The following NPY2R variants were observed in gnomAD, a reference collection of about 807,000 sequenced individuals.
NPY2R encodes neuropeptide Y receptor type 2.
In NPY2R, 17 loss-of-function variants were observed where a neutral mutation model predicts 22.3. The observed-to-expected ratio is 0.76, with a 90% confidence interval of 0.52 to 1.14. The LOEUF (loss-of-function observed/expected upper bound fraction) is 1.14, where lower values mean the gene tolerates loss of function less well. Among genes scored for constraint, NPY2R ranks in the 50% most tolerant of loss-of-function variants. The pLI is 0.00. For synonymous variants in NPY2R, 209 were observed against 183.4 expected, an observed-to-expected ratio of 1.14 and a Z score of -1.13; for missense variants, 424 against 467.9, an observed-to-expected ratio of 0.91 and a Z score of 0.87.
At chr4:155,174,484 A>ATATATATATT in the NPY2R span, among the ~76,000 whole-genome samples, 12 of 106,122 alleles carry the variant, frequency 1.1e-4, no homozygotes, top group African/African-American at 1.4e-4. Context: ...ATATATATAT[A>ATATATATATT]TTTTTTTTTT....
At chr4:155,174,645 C>T in the NPY2R span, among the ~76,000 whole-genome samples, 9 of 151,412 alleles carry the variant, frequency 5.9e-5, no homozygotes, top group African/African-American at 1.9e-4. Flanking sequence ...TTATACATCC[C>T]CATTCTGGGA....
chr4:155,206,448 CAA>C (rs1419195817), upstream of NPY2R: 5 of 152,190 alleles, frequency 3.3e-5, no homozygotes, highest in African/African-American at 1.2e-4. Flanking sequence ...CTGTGATGCA[CAA>C]AAGTGTCATA....
At chr4:155,186,247 G>A in the NPY2R span, among the ~76,000 whole-genome samples, 2 of 152,086 alleles carry the variant, frequency 1.3e-5, no homozygotes, top group African/African-American at 4.8e-5. Flanking sequence ...AAAACAATTT[G>A]TCAGACTTGT....
At chr4:155,190,789 T>C in the NPY2R span, among the ~76,000 whole-genome samples, 4 of 151,852 alleles carry the variant, frequency 2.6e-5, no homozygotes, top group African/African-American at 9.7e-5. Context: ...ATTCGTCAAA[T>C]GAAAAGGCAG....
Position 155,215,298 on chromosome 4 carries a change from C to T in NPY2R, c.*213C>T, listed in dbSNP as rs1019545082. The T allele has an allele frequency of 3.1e-6, 2 of 644,788 alleles. No individual in the cohort carries two copies. Among genetic ancestry groups the T allele is most frequent in the African/African-American group, 3.6e-5 (2 of 54,846 alleles). 39.9% of individuals were successfully genotyped at this position (644,788 alleles called of 1,614,324 possible). A position where few individuals can be genotyped will look rare whatever the true frequency, so the allele number is the denominator to read the frequency against. On this transcript the variant is annotated 3_prime_UTR_variant, in exon 2 of 2. Transcript: ENST00000329476. ...TAAGGCAACAAAATGGTTTACTTAA[C>T]AGTTGGTTGGGTAGTAGGTTGCATT...
Position 155,214,785 on chromosome 4 carries a change from G to A in NPY2R, c.846G>A (p.Leu282=), listed in dbSNP as rs1729479993. 1 of 1,613,408 alleles carries A rather than the reference G, an allele frequency of 6.2e-7. No individual in the cohort carries two copies. Among genetic ancestry groups the A allele is most frequent in the South Asian group, 1.1e-5 (1 of 91,062 alleles). ...CVVVVFAVSW[L]PLHAFQLAVD... Reference sequence around the variant, plus strand: ...TGGTGGTGTTTGCGGTCAGCTGGCTGCCTCTCCATGCCTTCCAGCTTGCCG... The same window carrying A: ...TGGTGGTGTTTGCGGTCAGCTGGCTACCTCTCCATGCCTTCCAGCTTGCCG... The change falls in exon 2 of 2, where the codon CTG becomes CTA. Residue 282 remains leucine, a synonymous_variant. Coordinates refer to ENST00000329476, the MANE Select transcript of NPY2R (RefSeq NM_000910.4).
the NPY2R span, among the ~76,000 whole-genome samples, chr4:155,200,987 C>A: frequency 6.6e-6 from 1 of 151,728 alleles, no homozygotes; most frequent in Non-Finnish European, 1.5e-5. Flanking sequence ...AACCTACACG[C>A]TCTGCACTTG....
At chr4:155,177,103 C>G in the NPY2R span, among the ~76,000 whole-genome samples, 4 of 152,204 alleles carry the variant, frequency 2.6e-5, no homozygotes, top group Admixed American at 1.3e-4. Flanking sequence ...ATGTCCTTCT[C>G]ACATACAAAA....
the NPY2R span, among the ~76,000 whole-genome samples, chr4:155,196,302 T>C: frequency 2.0e-5 from 3 of 151,938 alleles, no homozygotes; most frequent in African/African-American, 4.8e-5. Context: ...TAGGTTATCA[T>C]GGAGGGAAGG....
At chr4:155,196,914 ATTTAT>A in the NPY2R span, among the ~76,000 whole-genome samples, 1 of 151,928 alleles carries the variant, frequency 6.6e-6, no homozygotes, top group Non-Finnish European at 1.5e-5. Flanking sequence ...TAAAATTCCT[ATTTAT>A]TTTAAGAGAT....
At chr4:155,175,623 T>C in the NPY2R span, among the ~76,000 whole-genome samples, 5 of 152,170 alleles carry the variant, frequency 3.3e-5, no homozygotes, top group African/African-American at 1.2e-4. Flanking sequence ...AGTTTTTATG[T>C]ATAATTTTTG....
At chr4:155,195,968 G>T in the NPY2R span, among the ~76,000 whole-genome samples, 1 of 151,960 alleles carries the variant, frequency 6.6e-6, no homozygotes, top group African/African-American at 2.4e-5. Flanking sequence ...ATGGATTCCA[G>T]AAAACGAAAG....
At chr4:155,206,096 T>A (rs1729278682), upstream of NPY2R, among the ~76,000 whole-genome samples, 1 of 152,194 alleles carries the variant, frequency 6.6e-6, no homozygotes. Flanking sequence ...ATCAACATTT[T>A]CCACTCTCTC....
chr4:155,201,824 A>G, the NPY2R span, among the ~76,000 whole-genome samples: 5 of 152,136 alleles, frequency 3.3e-5, no homozygotes, highest in East Asian at 1.9e-4. Flanking sequence ...GGTGAGAAAT[A>G]TAAGTCCAAA....
chr4:155,191,449 C>T, the NPY2R span, among the ~76,000 whole-genome samples: 58 of 151,938 alleles, frequency 3.8e-4, no homozygotes, highest in African/African-American at 1.4e-3. Flanking sequence ...TTTCTCTTTG[C>T]CCTTTTCTAA....
At chr4:155,203,646 CTATAT>C (rs1264089073), upstream of NPY2R, among the ~76,000 whole-genome samples, 1 of 152,066 alleles carries the variant, frequency 6.6e-6, no homozygotes, top group Non-Finnish European at 1.5e-5. Flanking sequence ...TATTGAGAAT[CTATAT>C]TATAACCAAA....
At chr4:155,208,392 C>G (rs1441989821), upstream of NPY2R, 1 of 152,280 alleles carries the variant, frequency 6.6e-6, no homozygotes, top group Admixed American at 6.5e-5. The surrounding 1 kb of genome is among the most constrained non-coding windows in gnomAD (Gnocchi z 5.6). Flanking sequence ...TTGGTGAAGT[C>G]GGCCTCAAGT....
At chr4:155,184,157 G>A in the NPY2R span, among the ~76,000 whole-genome samples, 1 of 152,028 alleles carries the variant, frequency 6.6e-6, no homozygotes, top group African/African-American at 2.4e-5. Flanking sequence ...GTCTTTTTCA[G>A]GTACAGTGAA....
the NPY2R span, among the ~76,000 whole-genome samples, chr4:155,191,679 C>T: frequency 6.6e-6 from 1 of 151,896 alleles, no homozygotes; most frequent in East Asian, 1.9e-4. Context: ...TGAATTTCAT[C>T]TCTACATTCT....
Sources: gnomAD v4.1 joint callset for allele counts (sites outside exome capture counted in the v4.1 genomes callset) on GRCh38, gnomAD v4.1.1 for gene constraint, Gnocchi (gnomAD v3.1) non-coding constraint, MANE v1.5 for transcripts, NCBI Gene and HGNC (gene_info 2026-07-23, HGNC 2026-07-21) for gene names.